Variants in PIGU observed in about 807,000 individuals in gnomAD.
PIGU encodes the protein GPI-anchor transamidase component PIGU.
A neutral mutation model predicts 49.9 loss-of-function variants in PIGU; 24 were observed. The ratio of observed to expected loss-of-function variants is 0.48; its 90% confidence interval spans 0.35 to 0.68. PIGU has a LOEUF of 0.68. PIGU is among the 30% of genes least tolerant of loss of function. PIGU has a pLI of 0.01. For synonymous variants in PIGU, 220 were observed against 205.7 expected (o/e 1.07, Z -0.59); for missense variants, 490 against 532.6 (o/e 0.92, Z 0.79).
At position 34,588,593 on chromosome 20, in the gene PIGU, A is replaced by G; in HGVS notation, c.642T>C (p.Pro214=). The G allele has an allele frequency of 6.2e-7, 1 of 1,613,762 alleles. No individual in the cohort carries two copies. The highest frequency in any genetic ancestry group is 8.5e-7 in the Non-Finnish European group (1 of 1,179,844). ...AGAAGGCTTTGCTCTTCATTTTCAC[A>G]GGTATGTACTGCCGCTGGAGAGAAG... ...LLYLLQRQYI[P]VKMKSKAFWI... Residue 214 remains proline, a synonymous_variant, in exon 8 of 12, where the codon CCT becomes CCC. Coordinates refer to ENST00000217446, the MANE Select transcript of PIGU (RefSeq NM_080476.5).
chr20:34,640,685 T>C (rs920259750), intron 4 of PIGU, among the ~76,000 whole-genome samples: 1 of 152,194 alleles, frequency 6.6e-6, no homozygotes, highest in Non-Finnish European at 1.5e-5. Flanking sequence ...GGTAGTGACC[T>C]GGATATCTTA....
At chr20:34,649,197 CAT>C (rs1464858894) in intron 2 of PIGU, among the ~76,000 whole-genome samples, 17 of 152,018 alleles carry the variant, frequency 1.1e-4, no homozygotes, top group African/African-American at 3.9e-4. Context: ...TTCAAAATTA[CAT>C]ATGTTTTTCT....
chr20:34,673,830 G>A (rs1003484914), intron 1 of PIGU, among the ~76,000 whole-genome samples: 1 of 152,132 alleles, frequency 6.6e-6, no homozygotes, highest in South Asian at 2.1e-4. Context: ...CAAGGCGGGC[G>A]GATCACGAGG....
chr20:34,565,402 G>A (rs1237142730), intron 11 of PIGU, among the ~76,000 whole-genome samples: 2 of 151,812 alleles, frequency 1.3e-5, no homozygotes, highest in Admixed American at 6.6e-5. Flanking sequence ...ACAAGCGTGC[G>A]CCACCACCCC....
intron 11 of PIGU, among the ~76,000 whole-genome samples, chr20:34,567,410 G>A (rs1275857166): frequency 6.6e-6 from 1 of 152,218 alleles, no homozygotes. Flanking sequence ...GAGGCTACAA[G>A]TAACTGTCCC....
intron 10 of PIGU, among the ~76,000 whole-genome samples, chr20:34,577,929 G>C (rs901497886): frequency 6.6e-6 from 1 of 152,156 alleles, no homozygotes; most frequent in Non-Finnish European, 1.5e-5. Flanking sequence ...TGTGTCAAAA[G>C]GAGAATAATC....
intron 1 of PIGU, among the ~76,000 whole-genome samples, chr20:34,671,699 C>A (rs1469279904): frequency 6.6e-6 from 1 of 152,002 alleles, no homozygotes; most frequent in Non-Finnish European, 1.5e-5. Context: ...GCAGGTGGAT[C>A]ACCTGAGATC....
intron 4 of PIGU, among the ~76,000 whole-genome samples, chr20:34,641,345 CA>C (rs879827928): frequency 6.6e-6 from 1 of 152,190 alleles, no homozygotes; most frequent in Admixed American, 6.5e-5. Context: ...AGCCTCAGCA[CA>C]TTCCAAATTC....
At chr20:34,640,446 A>C (rs943070178) in intron 4 of PIGU, among the ~76,000 whole-genome samples, 2 of 151,910 alleles carry the variant, frequency 1.3e-5, no homozygotes, top group Non-Finnish European at 2.9e-5. Context: ...AGAGACAGGA[A>C]AGTGGCTAAA....
At chr20:34,625,712 CAAAAAAAA>C (rs536868098) in intron 6 of PIGU, among the ~76,000 whole-genome samples, 24 of 84,320 alleles carry the variant, frequency 2.8e-4, no homozygotes, top group African/African-American at 9.4e-4. Context: ...GACTCTGTCT[CAAAAAAAA>C]AAAAAAAGAA....
At chr20:34,565,841 C>T (rs1982733570) in intron 11 of PIGU, among the ~76,000 whole-genome samples, 1 of 47,820 alleles carries the variant, frequency 2.1e-5, no homozygotes, top group Admixed American at 3.5e-4. Flanking sequence ...CACTCACACA[C>T]AGGTGCACAC....
chr20:34,666,769 TC>T lies in PIGU; in HGVS notation c.131-9526del, dbSNP rs1450463571. ...TGGAGTGCAGTGGCGCGATCTCGGCTCACTGCAAACTCCACCTCCCGGGTTG... is the reference window on the plus strand; with the variant it reads ...TGGAGTGCAGTGGCGCGATCTCGGCTACTGCAAACTCCACCTCCCGGGTTG... On this transcript the variant is annotated intron_variant, in intron 1 of 11. Transcript: ENST00000217446. 7.7e-5 allele frequency among the ~76,000 whole-genome samples: 11 copies of T among 143,416 alleles called. No individual in the cohort carries two copies. The Middle Eastern group carries it at 0.014, about 186-fold the overall frequency. The allele number at this position is 143,416 out of a possible 152,430, so 94.1% of individuals were successfully genotyped here. A position where few individuals can be genotyped will look rare whatever the true frequency, so the allele number is the denominator to read the frequency against.
chr20:34,645,579 G>A (rs1433305560), intron 2 of PIGU, among the ~76,000 whole-genome samples: 1 of 152,140 alleles, frequency 6.6e-6, no homozygotes, highest in Non-Finnish European at 1.5e-5. Flanking sequence ...AAAATCTGAT[G>A]TGTTAAATAA....
intron 6 of PIGU, among the ~76,000 whole-genome samples, chr20:34,629,220 T>C (rs1985608811): frequency 6.6e-6 from 1 of 152,158 alleles, no homozygotes; most frequent in Admixed American, 6.5e-5. Flanking sequence ...TTCACCATCT[T>C]GGCTAGGCTA....
intron 2 of PIGU, among the ~76,000 whole-genome samples, chr20:34,647,825 A>G (rs2146774120): frequency 6.6e-6 from 1 of 152,312 alleles, no homozygotes; most frequent in East Asian, 1.9e-4. Flanking sequence ...AAATATGCAT[A>G]TTAACACCTA....
intron 7 of PIGU, among the ~76,000 whole-genome samples, chr20:34,615,131 G>GTC (rs1984959017): frequency 6.6e-6 from 1 of 152,164 alleles, no homozygotes; most frequent in Admixed American, 6.5e-5. Flanking sequence ...CAATTCATTT[G>GTC]TCTAATATGG....
intron 1 of PIGU, among the ~76,000 whole-genome samples, chr20:34,672,771 CTT>C (rs1410046332): frequency 6.8e-6 from 1 of 147,578 alleles, no homozygotes; most frequent in Admixed American, 7.1e-5. Flanking sequence ...AAGAGGATCT[CTT>C]GAGCCCAGAA....
intron 7 of PIGU, among the ~76,000 whole-genome samples, chr20:34,611,648 G>GAAAAAAAAAAAAAAAAGAAAA (rs1984816142): frequency 1.5e-5 from 1 of 65,008 alleles, no homozygotes; most frequent in Non-Finnish European, 3.0e-5. Context: ...TCAAGTCTCA[G>GAAAAAAAAAAAAAAAAGAAAA]AAAAAAAAAA....
chr20:34,638,116 T>C, intron 4 of PIGU, 131 bp from the exon 5 acceptor site: 1 of 1,371,018 alleles, frequency 7.3e-7, no homozygotes, highest in Non-Finnish European at 9.4e-7. Flanking sequence ...CTCTCCAGGC[T>C]CATCTCACAC....
Sources: gnomAD v4.1 joint callset for allele counts (sites outside exome capture counted in the v4.1 genomes callset) on GRCh38, gnomAD v4.1.1 for gene constraint, MANE v1.5 for transcripts, NCBI Gene and HGNC (gene_info 2026-07-23, HGNC 2026-07-21) for gene names.